The following SDK1 variants were observed in gnomAD, a reference collection of about 807,000 sequenced individuals.
The protein encoded by SDK1 is sidekick cell adhesion molecule 1.
Under a neutral mutation model 245.5 loss-of-function variants are expected in SDK1, and 157 were observed. The observed-to-expected ratio is 0.64, with a 90% CI of 0.56 to 0.73. The LOEUF (loss-of-function observed/expected upper bound fraction) is 0.73, where lower values mean the gene tolerates loss of function less well. Among genes scored for constraint, SDK1 ranks in the 30% least tolerant of loss-of-function variants. The pLI, the probability that SDK1 is intolerant of heterozygous loss-of-function variation, is 0.00. For synonymous variants in SDK1, 1,647 were observed against 1,278.5 expected (o/e 1.29, Z -6.15); for missense variants, 3,583 against 3,002.3 (o/e 1.19, Z -4.52).
chr7:3,977,162 T>C lies in SDK1; in HGVS notation c.1994+2617T>C, dbSNP rs868846708. On this transcript the variant is annotated intron_variant, in intron 13 of 44. Coordinates refer to ENST00000404826, the MANE Select transcript of SDK1 (RefSeq NM_152744.4). The stretch of plus-strand genomic sequence containing the variant: ...GGGGCTGAGGCTGCCACGCAGAGGG[T>C]CCTCCAGAGAATCACTGGGGGTCCC... 2.5e-3 allele frequency among the ~76,000 whole-genome samples: 35 copies of C among 13,902 alleles called. 3 individuals carry two copies. The highest frequency in any genetic ancestry group is 6.5e-3 in the South Asian group (1 of 154). The allele number at this position is 13,902 out of a possible 152,430, so 9.1% of individuals were successfully genotyped here. A position where few individuals can be genotyped will look rare whatever the true frequency, so the allele number is the denominator to read the frequency against.
chr7:4,009,879 A>G (rs1032537054), intron 14 of SDK1, among the ~76,000 whole-genome samples: 2 of 152,184 alleles, frequency 1.3e-5, no homozygotes, highest in Non-Finnish European at 2.9e-5. Context: ...ATTTCCAATG[A>G]GCTCGCAGGC....
chr7:3,393,223 C>T (rs918900957), intron 1 of SDK1, among the ~76,000 whole-genome samples: 2 of 151,992 alleles, frequency 1.3e-5, no homozygotes, highest in East Asian at 1.9e-4. Flanking sequence ...CCACCTACCT[C>T]AGCCTCCCAC....
chr7:4,174,117 T>G (rs4723444), intron 32 of SDK1, 105 bp from the exon 33 acceptor site: 2 of 1,283,698 alleles, frequency 1.6e-6, no homozygotes, highest in South Asian at 1.3e-5. Context: ...CCCACGACTT[T>G]CTTCTGTGCA....
chr7:3,796,345 A>G (rs917680539), intron 4 of SDK1, among the ~76,000 whole-genome samples: 1 of 152,258 alleles, frequency 6.6e-6, no homozygotes, highest in South Asian at 2.1e-4. Flanking sequence ...GGCTGTGAAA[A>G]AGAATTTCTT....
chr7:3,624,388 G>C lies in SDK1; in HGVS notation c.458+5149G>C, dbSNP rs79338957. On this transcript the variant is annotated intron_variant, in intron 2 of 44. Coordinates refer to ENST00000404826, the MANE Select transcript of SDK1 (RefSeq NM_152744.4). ...TAAGTTTTCTATTTTTTGTGCAGAT[G>C]GGGTTGCACTGTGTTGCCTAGGCTG... 5.4e-3 allele frequency among the ~76,000 whole-genome samples: 826 copies of C among 152,156 alleles called. 6 individuals are homozygous for C. The highest frequency in any genetic ancestry group is 0.019 in the African/African-American group (800 of 41,520).
At chr7:4,093,714 G>A (rs912140871) in intron 22 of SDK1, among the ~76,000 whole-genome samples, 4 of 152,218 alleles carry the variant, frequency 2.6e-5, no homozygotes, top group African/African-American at 9.6e-5. Context: ...GCATGCCTCG[G>A]TGAAGTCGGG....
At chr7:3,609,781 A>G (rs190907403) in intron 1 of SDK1, among the ~76,000 whole-genome samples, 6 of 151,102 alleles carry the variant, frequency 4.0e-5, no homozygotes, top group Non-Finnish European at 5.9e-5. Context: ...GCTCACTGCA[A>G]CCTTTGCCTC....
At chr7:3,827,356 G>C (rs1273014580) in intron 5 of SDK1, among the ~76,000 whole-genome samples, 1 of 152,078 alleles carries the variant, frequency 6.6e-6, no homozygotes, top group African/African-American at 2.4e-5. Context: ...TTTTGCAACT[G>C]CTCCTTTCTT....
rs560023802 is a variant in SDK1, at chr7:3,916,226, T to G, written c.848-34697T>G. ...GAAGCCCTGACCAGCCCTCAGTGGA[T>G]CTACATTTTACATGTGAAGAAAGGG... On this transcript the variant is annotated intron_variant, in intron 5 of 44. Transcript: ENST00000404826. Among the ~76,000 whole-genome samples, 191 of 152,324 alleles carry G rather than the reference T, an allele frequency of 1.3e-3. 1 individual carries two copies. The highest frequency in any genetic ancestry group is 4.2e-3 in the African/African-American group (175 of 41,564).
chr7:3,885,617 T>TC (rs1217632212), intron 5 of SDK1, among the ~76,000 whole-genome samples: 8 of 152,302 alleles, frequency 5.3e-5, no homozygotes, highest in African/African-American at 1.9e-4. Flanking sequence ...GAATTTCGTG[T>TC]GTCTCTGTTT....
rs530188892 is a variant in SDK1 at position 4,258,654 on chromosome 7, T to G, written c.6382-6470T>G. 1.2e-3 allele frequency among the ~76,000 whole-genome samples: 177 copies of G among 152,300 alleles called. 1 individual carries two copies. The highest frequency in any genetic ancestry group is 4.1e-3 in the African/African-American group (169 of 41,560). On this transcript the variant is annotated intron_variant, in intron 44 of 44. Coordinates refer to ENST00000404826, the MANE Select transcript of SDK1 (RefSeq NM_152744.4). The stretch of plus-strand genomic sequence containing the variant: ...ATGACCCTAAGAAGGTCACTTGCAT[T>G]TGTGGATGTTGATTGTTTCAGACCC...
intron 13 of SDK1, 147 bp downstream of exon 13, chr7:3,974,692 A>T: frequency 1.6e-6 from 1 of 636,052 alleles, no homozygotes; most frequent in Non-Finnish European, 2.6e-6. Flanking sequence ...GCATAACTAC[A>T]TATATGGACA....
At chr7:3,468,548 T>C (rs777217447) in intron 1 of SDK1, among the ~76,000 whole-genome samples, 1 of 152,172 alleles carries the variant, frequency 6.6e-6, no homozygotes, top group Admixed American at 6.5e-5. Flanking sequence ...GTGTAAAAAC[T>C]AGCCAGAAGA....
rs111225985 is a variant in SDK1, at chr7:4,206,807, C to T, written c.5214+813C>T. Among the ~76,000 whole-genome samples, 496 of 152,234 alleles carry T rather than the reference C, an allele frequency of 3.3e-3. 3 individuals are homozygous for T. Among genetic ancestry groups the T allele is most frequent in the South Asian group, 1.0e-2 (48 of 4,820 alleles). On this transcript the variant is annotated intron_variant, in intron 36 of 44. Coordinates refer to ENST00000404826, the MANE Select transcript of SDK1 (RefSeq NM_152744.4). ...TCTGCTGGGACCCAAGTCGATCAGTCATCAGATTCTGGGGGCTAGCCTCCC... is the reference window on the plus strand; with the variant it reads ...TCTGCTGGGACCCAAGTCGATCAGTTATCAGATTCTGGGGGCTAGCCTCCC...
chr7:4,047,173 G>C (rs1789080482), intron 17 of SDK1, among the ~76,000 whole-genome samples: 1 of 152,174 alleles, frequency 6.6e-6, no homozygotes, highest in Non-Finnish European at 1.5e-5. Flanking sequence ...ACTTTGCTGA[G>C]AGGGTTTTTT....
chr7:3,327,464 G>A (rs1004048908), intron 1 of SDK1, among the ~76,000 whole-genome samples: 6 of 151,936 alleles, frequency 3.9e-5, no homozygotes, highest in African/African-American at 1.5e-4. Flanking sequence ...GATGCTTTTG[G>A]GTTTCTAGGA....
intron 4 of SDK1, among the ~76,000 whole-genome samples, chr7:3,644,770 C>A (rs1347405379): frequency 1.9e-5 from 1 of 52,320 alleles, no homozygotes; most frequent in Non-Finnish European, 3.5e-5. Context: ...AAGACCCTGT[C>A]TCCAAAAAAA....
chr7:3,995,983 A>G (rs1784669433), intron 14 of SDK1, among the ~76,000 whole-genome samples: 1 of 152,018 alleles, frequency 6.6e-6, no homozygotes, highest in African/African-American at 2.4e-5. Context: ...GGATATTTCA[A>G]CACTCTCAAG....
In SDK1 at chr7:3,333,020, C is replaced by T. The variant is rs1460994908; in HGVS notation, c.298+31136C>T. On this transcript the variant is annotated intron_variant, in intron 1 of 44. Transcript: ENST00000404826. ...TTTTTCCCTGTCAGTGTATTGTAACCTTTTATAAGGGCAGCGCCAAGAAAG... is the reference window on the plus strand; with the variant it reads ...TTTTTCCCTGTCAGTGTATTGTAACTTTTTATAAGGGCAGCGCCAAGAAAG... Among the ~76,000 whole-genome samples, 6 of 152,214 alleles carry T rather than the reference C, an allele frequency of 3.9e-5. No homozygotes were observed. In the East Asian group the frequency reaches 1.2e-3, roughly 29 times the overall value.
Sources: allele counts gnomAD v4.1 joint callset (sites outside exome capture counted in the v4.1 genomes callset), GRCh38; gene constraint gnomAD v4.1.1; transcripts MANE v1.5; gene names NCBI Gene and HGNC (gene_info 2026-07-23, HGNC 2026-07-21).